KLHDC4: variants seen among roughly 807,000 people sequenced by gnomAD.
KLHDC4 encodes kelch domain-containing protein 4.
In KLHDC4, 90 loss-of-function variants were observed where a neutral mutation model predicts 62.4. The observed-to-expected ratio is 1.44, with a 90% CI of 1.22 to 1.72. KLHDC4 has a LOEUF of 1.72. Ranked by LOEUF, KLHDC4 falls within the 40% of genes most tolerant of loss-of-function variation. The pLI is 0.00. For missense variants in KLHDC4, 1,025 were observed against 699.7 expected (o/e 1.47, Z -5.25); for synonymous variants, 386 against 284.4 (o/e 1.36, Z -3.59).
downstream of KLHDC4, among the ~76,000 whole-genome samples, chr16:87,704,015 A>G (rs2034349646): frequency 1.3e-5 from 2 of 152,230 alleles, no homozygotes; most frequent in African/African-American, 2.4e-5. Context: ...CCTTCCATGC[A>G]CAAAGGCAGG....
chr16:87,750,159 A>C (rs926744063), intron 4 of KLHDC4: 6 of 152,254 alleles, frequency 3.9e-5, no homozygotes, highest in African/African-American at 1.2e-4. Context: ...CCATCTGTGG[A>C]AAGAGCTGCT....
downstream of KLHDC4, among the ~76,000 whole-genome samples, chr16:87,704,442 G>A (rs1405371118): frequency 3.3e-5 from 3 of 89,640 alleles, no homozygotes; most frequent in East Asian, 1.1e-3. Context: ...GGAAGGAGGC[G>A]CCTGGGGAGG....
chr16:87,739,131 GCACC>G, intron 5 of KLHDC4, among the ~76,000 whole-genome samples: 1 of 114,842 alleles, frequency 8.7e-6, no homozygotes, highest in Non-Finnish European at 1.8e-5. Context: ...CCACACACCA[GCACC>G]TCATCCATCC....
chr16:87,711,025 C>T (rs1372108619), intron 9 of KLHDC4: 2 of 559,870 alleles, frequency 3.6e-6, no homozygotes, highest in Admixed American at 3.1e-5. Context: ...GCAGCCCCGC[C>T]AGCATCCAGG....
At chr16:87,707,136 C>G (rs973142234), downstream of KLHDC4, among the ~76,000 whole-genome samples, 2 of 152,222 alleles carry the variant, frequency 1.3e-5, no homozygotes, top group Non-Finnish European at 2.9e-5. Flanking sequence ...ACTTTTGACC[C>G]CAATTATGCA....
Position 87,702,486 on chromosome 16 carries a change from C to G in KLHDC4, c.29G>C (p.Cys10Ser), listed in dbSNP as rs142012642. The change falls in exon 1 of 1, where the codon TGT (cysteine) becomes TCT (serine). Residue 10 changes from cysteine to serine, a missense_variant. Physicochemically the swap from Cys to Ser is moderately radical, Grantham distance 112. Transcript: ENST00000446344. ...CCCCAAATGTAGCCACATCAGAGCACACTTCTCCGGCAGCAACTTCCCAGG... is the reference window on the plus strand; with the variant it reads ...CCCCAAATGTAGCCACATCAGAGCAGACTTCTCCGGCAGCAACTTCCCAGG... 390 of 358,772 alleles carry G rather than the reference C, an allele frequency of 1.1e-3. 1 individual carries two copies. Among genetic ancestry groups the G allele is most frequent in the African/African-American group, 8.0e-3 (377 of 46,898 alleles). 22.2% of individuals were successfully genotyped at this position (358,772 alleles called of 1,614,324 possible). A position where few individuals can be genotyped will look rare whatever the true frequency, so the allele number is the denominator to read the frequency against.
At chr16:87,739,246 T>A (rs1187634357) in intron 5 of KLHDC4, among the ~76,000 whole-genome samples, 4 of 106,998 alleles carry the variant, frequency 3.7e-5, no homozygotes, top group Non-Finnish European at 7.5e-5. Flanking sequence ...CAGCACCTCA[T>A]CCATCCACAC....
exon 1 of KLHDC4, chr16:87,701,484 T>A (rs2034140934): frequency 2.8e-6 from 1 of 354,916 alleles, no homozygotes; most frequent in Non-Finnish European, 5.6e-6. Context: ...TCATGCCAGC[T>A]TGTTCCCAAG....
chr16:87,715,053 G>C (rs2036670152), intron 7 of KLHDC4, among the ~76,000 whole-genome samples: 3 of 152,266 alleles, frequency 2.0e-5, no homozygotes, highest in South Asian at 4.1e-4. Flanking sequence ...CGCGCTCCAT[G>C]TCCCTTAGCC....
At chr16:87,762,491 G>A (rs1214777652) in intron 1 of KLHDC4, among the ~76,000 whole-genome samples, 1 of 152,244 alleles carries the variant, frequency 6.6e-6, no homozygotes, top group African/African-American at 2.4e-5. Context: ...CCAGGCCTGG[G>A]CCGTCACGCC....
At chr16:87,711,925 C>T (rs1383665194) in intron 8 of KLHDC4, among the ~76,000 whole-genome samples, 1 of 116,096 alleles carries the variant, frequency 8.6e-6, no homozygotes, top group African/African-American at 5.9e-5. Flanking sequence ...CTGTGCCAGC[C>T]CCCCTTGGGC....
chr16:87,704,951 C>G (rs974397451), downstream of KLHDC4, among the ~76,000 whole-genome samples: 1 of 152,064 alleles, frequency 6.6e-6, no homozygotes, highest in African/African-American at 2.4e-5. Flanking sequence ...GAGAACAAGA[C>G]GATTCATCCT....
intron 4 of KLHDC4, among the ~76,000 whole-genome samples, chr16:87,752,578 G>A (rs554569315): frequency 1.3e-5 from 2 of 151,866 alleles, no homozygotes; most frequent in East Asian, 2.0e-4. Context: ...CTTGTGATTC[G>A]CCCATCCCGG....
At chr16:87,764,053 T>A (rs1410354605) in intron 1 of KLHDC4, among the ~76,000 whole-genome samples, 1 of 152,130 alleles carries the variant, frequency 6.6e-6, no homozygotes, top group Non-Finnish European at 1.5e-5. Flanking sequence ...ATACATGAGT[T>A]CTGTGGGAGC....
Position 87,765,814 on chromosome 16 carries a change from G to A in KLHDC4, c.77C>T (p.Ser26Phe). ...KTAAKMEKKV[S>F]KRSRKEEEDL... ...CACCTCCTCCTTCCGCGAGCGCTTA[G>A]ACACCTTCTTCTCCATCTTGGCGGC... Residue 26 changes from serine to phenylalanine, a missense_variant, in exon 1 of 12, where the codon TCT becomes TTT. Coordinates refer to ENST00000270583, the MANE Select transcript of KLHDC4 (RefSeq NM_017566.4). 6.4e-7 allele frequency: 1 copy of A among 1,569,556 alleles called. No individual in the cohort carries two copies. Among genetic ancestry groups the A allele is most frequent in the Non-Finnish European group, 8.6e-7 (1 of 1,156,980 alleles).
chr16:87,765,598 G>T lies in KLHDC4; in HGVS notation c.99+194C>A, dbSNP rs576287552. On this transcript the variant is annotated intron_variant, in intron 1 of 11. Coordinates refer to ENST00000270583, the MANE Select transcript of KLHDC4 (RefSeq NM_017566.4). ...AGCTCCGAGAAGCGGACAGACACACGTGGAGACTCAGGAGGGGGCGGGCCC... is the reference window on the plus strand; with the variant it reads ...AGCTCCGAGAAGCGGACAGACACACTTGGAGACTCAGGAGGGGGCGGGCCC... Among the ~76,000 whole-genome samples the T allele has an allele frequency of 3.3e-3, 504 of 152,262 alleles. 10 individuals carry two copies. The highest frequency in any genetic ancestry group is 7.9e-4 in the Non-Finnish European group (54 of 68,006).
At chr16:87,714,129 T>A (rs2036447106) in intron 8 of KLHDC4, among the ~76,000 whole-genome samples, 1 of 152,164 alleles carries the variant, frequency 6.6e-6, no homozygotes, top group South Asian at 2.1e-4. Flanking sequence ...CAGTGACTCC[T>A]GGTGGCTTGT....
Position 87,733,063 on chromosome 16 carries a change from A to G in KLHDC4, c.507-2419T>C, listed in dbSNP as rs1305847366. ...AAAAGGCAGGTGCAAAGCAAATCCT[A>G]TCCCAGCTTTTATCGGTGAAAAGGC... is the stretch of plus-strand genomic sequence containing the variant. On this transcript the variant is annotated intron_variant, in intron 5 of 11. Coordinates refer to ENST00000270583, the MANE Select transcript of KLHDC4 (RefSeq NM_017566.4). 2.1e-5 allele frequency among the ~76,000 whole-genome samples: 3 copies of G among 143,164 alleles called. No individual in the cohort carries two copies. The South Asian group carries it at 7.0e-4, about 34-fold the overall frequency. The allele number at this position is 143,164 out of a possible 152,430, so 93.9% of individuals were successfully genotyped here.
Position 87,714,559 on chromosome 16 carries a change from GTCTT to G in KLHDC4, c.770_773del (p.Lys257ThrfsTer14). 1 of 1,614,110 alleles carries G rather than the reference GTCTT, an allele frequency of 6.2e-7. No individual in the cohort carries two copies. Among genetic ancestry groups the G allele is most frequent in the Non-Finnish European group, 8.5e-7 (1 of 1,179,992 alleles). On this transcript the variant is annotated frameshift_variant, in exon 8 of 12. Transcript: ENST00000270583. LOFTEE classifies it high-confidence loss of function. ...CTGAGTGCCGTGTGCCCTTGTCCAC[GTCTT>G]TCTTAACTCTCTGCAATGGAAAGGA...
Sources: gnomAD v4.1 joint callset for allele counts (sites outside exome capture counted in the v4.1 genomes callset) on GRCh38, gnomAD v4.1.1 for gene constraint, MANE v1.5 for transcripts, NCBI Gene and HGNC (gene_info 2026-07-23, HGNC 2026-07-21) for gene names.